FREM3: variants seen among roughly 807,000 people sequenced by gnomAD.
FREM3 encodes FRAS1 related extracellular matrix 3.
FREM3 carries 105 observed loss-of-function variants against 129.1 expected under a neutral mutation model. That is an observed-to-expected ratio of 0.81 (90% CI 0.69 to 0.96). FREM3 has a LOEUF of 0.96. Among genes scored for constraint, FREM3 ranks in the 40% least tolerant of loss-of-function variants. FREM3 has a pLI of 0.00. For synonymous variants in FREM3, 1,014 were observed against 1,044.9 expected (o/e 0.97, Z 0.57); for missense variants, 2,593 against 2,666.3 (o/e 0.97, Z 0.61).
chr4:143,643,249 A>G lies in FREM3; in HGVS notation c.5276-15489T>C, dbSNP rs529878087. Among the ~76,000 whole-genome samples the G allele has an allele frequency of 3.3e-5, 5 of 152,280 alleles. No homozygotes were observed. In the East Asian group the frequency reaches 9.7e-4, roughly 29 times the overall value. ...TAAAAATAGAACTACCAAAGGATCCAGTAATCCCACTGCTGGGTATATATC... is the reference window on the plus strand; with the variant it reads ...TAAAAATAGAACTACCAAAGGATCCGGTAATCCCACTGCTGGGTATATATC... On this transcript the variant is annotated intron_variant, in intron 2 of 7. Coordinates refer to ENST00000329798, the MANE Select transcript of FREM3 (RefSeq NM_001168235.2).
intron 2 of FREM3, among the ~76,000 whole-genome samples, chr4:143,635,022 G>A (rs908743391): frequency 1.1e-4 from 16 of 152,082 alleles, no homozygotes; most frequent in African/African-American, 3.1e-4. Context: ...TGTGAGAGGT[G>A]GTTTACTGTG....
At chr4:143,589,611 G>A (rs1433607101) in intron 6 of FREM3, among the ~76,000 whole-genome samples, 1 of 152,070 alleles carries the variant, frequency 6.6e-6, no homozygotes, top group East Asian at 1.9e-4. Flanking sequence ...TCTCTGTTTT[G>A]GTACCACTAC....
chr4:143,616,887 C>T (rs575866263), intron 5 of FREM3, among the ~76,000 whole-genome samples: 43 of 152,214 alleles, frequency 2.8e-4, no homozygotes, highest in African/African-American at 1.0e-3. Flanking sequence ...AGAAGTGGGG[C>T]GAGGTCCATG....
In FREM3 at chr4:143,698,818, G is replaced by GT. The variant is rs1218439981; in HGVS notation, c.1857dup (p.Leu620ThrfsTer6). The GT allele has an allele frequency of 6.5e-7, 1 of 1,537,726 alleles. No individual in the cohort carries two copies. Among genetic ancestry groups the GT allele is most frequent in the Non-Finnish European group, 8.7e-7 (1 of 1,147,022 alleles). ...TCTTCATCTTCAGTTGAGAGAGGTA[G>GT]TTCAGCCTGCTGCAGCAACAGGTCC... is the stretch of plus-strand genomic sequence containing the variant. On this transcript the variant is annotated frameshift_variant, in exon 1 of 8. Coordinates refer to ENST00000329798, the MANE Select transcript of FREM3 (RefSeq NM_001168235.2). LOFTEE classifies it high-confidence loss of function.
At chr4:143,633,653 T>C (rs890407769) in intron 2 of FREM3, among the ~76,000 whole-genome samples, 3 of 152,184 alleles carry the variant, frequency 2.0e-5, no homozygotes, top group Non-Finnish European at 2.9e-5. Flanking sequence ...TAAAGCTATA[T>C]TAATATTGAT....
rs571078712 is a variant in FREM3 at position 143,637,965 on chromosome 4, A to G, written c.5276-10205T>C. 2.6e-5 allele frequency among the ~76,000 whole-genome samples: 4 copies of G among 152,246 alleles called. No homozygotes were observed. In the South Asian group the frequency reaches 8.3e-4, roughly 32 times the overall value. On this transcript the variant is annotated intron_variant, in intron 2 of 7. Transcript: ENST00000329798. ...AAGACTGCTAGCTCTAATTCTGTTC[A>G]CTGAGAGGTGTTTGGTGTATTCTTT...
rs570875974 is a variant in FREM3, at chr4:143,696,838, A to T, written c.3838T>A (p.Phe1280Ile). Residue 1280 changes from phenylalanine to isoleucine, a missense_variant, in exon 1 of 8, where the codon TTT (phenylalanine) becomes ATT (isoleucine). Transcript: ENST00000329798. Reference protein sequence around the residue: ...HDDSETKEDSFEVWLSDGKHT... With the variant: ...HDDSETKEDSIEVWLSDGKHT... The stretch of plus-strand genomic sequence containing the variant: ...TTGCCGTCACTCAGCCAGACCTCAA[A>T]ACTGTCCTCTTTTGTCTCTGAGTCA... The T allele has an allele frequency of 6.5e-7, 1 of 1,537,584 alleles. No individual in the cohort carries two copies. Among genetic ancestry groups the T allele is most frequent in the South Asian group, 1.2e-5 (1 of 84,036 alleles).
At position 143,611,665 on chromosome 4, in the gene FREM3, T is replaced by C. The variant is rs1276027519; in HGVS notation, c.5780-138A>G. 4.1e-6 allele frequency: 3 copies of C among 739,022 alleles called. 1 individual carries two copies. In the South Asian group the frequency reaches 5.8e-5, roughly 14 times the overall value. 45.8% of individuals were successfully genotyped at this position (739,022 alleles called of 1,614,324 possible). On this transcript the variant is annotated intron_variant, in intron 5 of 7. Transcript: ENST00000329798. ...CACACTTACCTCTTATGCTCACAAA[T>C]AGTAATACTGTAAGAAGAAGGCTTT...
rs1192433894 is a variant in FREM3, at chr4:143,698,287, G to T, written c.2389C>A (p.Pro797Thr). ...TGGTAAGTAAACTGCACAACCCGTG[G>T]TGCAATACCCAATTTCTGTGGAGGC... Reference protein sequence around the residue: ...YQPPQKLGIAPRVVQFTYQVE... With the variant: ...YQPPQKLGIATRVVQFTYQVE... Residue 797 changes from proline (P) to threonine (T), a missense_variant, in exon 1 of 8, where the codon CCA becomes ACA. By Grantham distance (38) the Pro-to-Thr change is conservative (BLOSUM62 -1). Around this residue, in one of 2 missense-constraint regions of FREM3, gnomAD observed 2,276 missense variants for 2,267.2 expected, o/e 1.00. Transcript: ENST00000329798. The T allele has an allele frequency of 6.5e-7, 1 of 1,537,564 alleles. No individual in the cohort carries two copies. The highest frequency in any genetic ancestry group is 8.7e-7 in the Non-Finnish European group (1 of 1,147,036).
chr4:143,683,631 G>C lies in FREM3; in HGVS notation c.5275+9482C>G, dbSNP rs1398266423. On this transcript the variant is annotated intron_variant, in intron 2 of 7. Transcript: ENST00000329798. The stretch of plus-strand genomic sequence containing the variant: ...ACAAGGAAATCTCTAGGTGAACTTT[G>C]TAACAATTTGAACGGGGTGAGAAGC... 2.6e-5 allele frequency among the ~76,000 whole-genome samples: 4 copies of C among 152,228 alleles called. No individual in the cohort carries two copies. In the East Asian group the frequency reaches 7.7e-4, roughly 29 times the overall value.
At chr4:143,611,744 A>G (rs748860276) in intron 5 of FREM3, among the ~76,000 whole-genome samples, 2 of 152,222 alleles carry the variant, frequency 1.3e-5, no homozygotes, top group South Asian at 4.1e-4. Flanking sequence ...TTTTAAATAG[A>G]GTATATTGAA....
rs1386497392 is a variant in FREM3, at chr4:143,678,016, A to T, written c.5275+15097T>A. Among the ~76,000 whole-genome samples, 20 of 152,280 alleles carry T rather than the reference A, an allele frequency of 1.3e-4. No homozygotes were observed. The South Asian group carries it at 2.9e-3, about 22-fold the overall frequency. On this transcript the variant is annotated intron_variant, in intron 2 of 7. Transcript: ENST00000329798. The stretch of plus-strand genomic sequence containing the variant: ...AGGGATCTAGAACTAGAAATCCCAT[A>T]TGACCCAGCCATCCCATTACTGGGT...
At chr4:143,675,335 A>G (rs1330492067) in intron 2 of FREM3, among the ~76,000 whole-genome samples, 1 of 152,186 alleles carries the variant, frequency 6.6e-6, no homozygotes, top group Non-Finnish European at 1.5e-5. Context: ...ATGTTCTTTG[A>G]AACCAACGAG....
Position 143,696,210 on chromosome 4 carries a change from A to G in FREM3, c.4466T>C (p.Leu1489Pro), listed in dbSNP as rs1276986631. The change falls in exon 1 of 8, where the codon CTT (leucine) becomes CCT (proline). Residue 1489 changes from leucine (L) to proline (P), a missense_variant. Coordinates refer to ENST00000329798, the MANE Select transcript of FREM3 (RefSeq NM_001168235.2). ...GGATATTTTGTTGCTAGCCAATTGA[A>G]GTTGAGTGAAAGAGGCAATGGGTTC... is the stretch of plus-strand genomic sequence containing the variant. ...AGEPIASFTQ[L>P]QLASNKISYV... The G allele has an allele frequency of 4.6e-6, 7 of 1,537,868 alleles. No individual in the cohort carries two copies. Among genetic ancestry groups the G allele is most frequent in the Non-Finnish European group, 6.1e-6 (7 of 1,147,056 alleles).
chr4:143,669,148 G>A (rs1739919916), intron 2 of FREM3, among the ~76,000 whole-genome samples: 1 of 152,124 alleles, frequency 6.6e-6, no homozygotes, highest in Non-Finnish European at 1.5e-5. Context: ...AAACTCAGAG[G>A]AGTGGCTTTA....
At chr4:143,654,928 G>A (rs1578852864) in intron 2 of FREM3, among the ~76,000 whole-genome samples, 1 of 152,324 alleles carries the variant, frequency 6.6e-6, no homozygotes, top group East Asian at 1.9e-4. Context: ...AGTTAGAGTT[G>A]AAGACAGTGA....
intron 2 of FREM3, among the ~76,000 whole-genome samples, chr4:143,683,670 C>T (rs894125338): frequency 2.0e-5 from 3 of 152,200 alleles, no homozygotes; most frequent in African/African-American, 7.2e-5. Context: ...CTGGCCAGAA[C>T]CCGGGGAGGG....
intron 6 of FREM3, among the ~76,000 whole-genome samples, chr4:143,596,544 A>C (rs1418688068): frequency 6.6e-6 from 1 of 152,200 alleles, no homozygotes; most frequent in Non-Finnish European, 1.5e-5. Context: ...GGTAAGAGAA[A>C]GAAAGATGAT....
At position 143,696,435 on chromosome 4, in the gene FREM3, T is replaced by C; in HGVS notation, c.4241A>G (p.Tyr1414Cys). The change falls in exon 1 of 8, where the codon TAC becomes TGC. Residue 1414 changes from tyrosine (Y) to cysteine (C), a missense_variant. Physicochemically the swap from Tyr to Cys is radical, Grantham distance 194 (BLOSUM62 -2). Transcript: ENST00000329798. ...TAAGTTGCCAATGGTGACATAGAAGTAGTGGTCTGTCAAAGTGTTAACCCC... is the reference window on the plus strand; with the variant it reads ...TAAGTTGCCAATGGTGACATAGAAGCAGTGGTCTGTCAAAGTGTTAACCCC... ...TDGVNTLTDH[Y>C]FYVTIGNLDS... 2 of 1,537,600 alleles carry C rather than the reference T, an allele frequency of 1.3e-6. No homozygotes were observed. Among genetic ancestry groups the C allele is most frequent in the African/African-American group, 1.4e-5 (1 of 73,138 alleles).
Sources: gnomAD v4.1 joint callset for allele counts (sites outside exome capture counted in the v4.1 genomes callset) on GRCh38, gnomAD v4.1.1 for gene constraint, gnomAD v4.1.1 regional missense constraint, MANE v1.5 for transcripts, NCBI Gene and HGNC (gene_info 2026-07-23, HGNC 2026-07-21) for gene names.